FRY: variants seen among roughly 807,000 people sequenced by gnomAD.
FRY encodes protein furry homolog.
Under a neutral mutation model 348.4 loss-of-function variants are expected in FRY, and 128 were observed. The observed-to-expected ratio is 0.37, with a 90% CI of 0.32 to 0.43. FRY has a LOEUF of 0.43. FRY is among the 20% of genes least tolerant of loss of function. The pLI is 1.00. For missense variants in FRY, 2,736 were observed against 3,695.2 expected (o/e 0.74, Z 6.73); for synonymous variants, 1,370 against 1,374.7 (o/e 1.00, Z 0.08).
intron 11 of FRY, among the ~76,000 whole-genome samples, chr13:32,137,368 C>G (rs7334889): frequency 0.071 from 10,811 of 152,246 alleles, 1,021 homozygotes; most frequent in African/African-American, 0.21. Flanking sequence ...TCTATCCCCT[C>G]CAGTCTAGAA....
intron 14 of FRY, among the ~76,000 whole-genome samples, chr13:32,150,409 C>A (rs1435286402): frequency 6.6e-6 from 1 of 152,154 alleles, no homozygotes; most frequent in Non-Finnish European, 1.5e-5. Flanking sequence ...TGTCAGCCAA[C>A]AGAAGTATGC....
chr13:32,199,535 G>A (rs1043661694), intron 29 of FRY, among the ~76,000 whole-genome samples: 4 of 152,146 alleles, frequency 2.6e-5, no homozygotes, highest in African/African-American at 9.7e-5. Flanking sequence ...ATATCAAAAT[G>A]TTGACAGTAA....
rs752492247 is a variant in FRY at position 32,078,907 on chromosome 13, G to A, written c.144G>A (p.Pro48=). ...PASGTHREKG[P]PTMLPINVDP... The stretch of plus-strand genomic sequence containing the variant: ...CTGGCACGCACAGGGAGAAAGGGCC[G>A]CCAACCATGCTACCCATCAATGTGG... The change falls in exon 2 of 61, where the codon CCG becomes CCA. Residue 48 remains proline (P), a synonymous_variant. Transcript: ENST00000542859. 4.2e-5 allele frequency: 68 copies of A among 1,613,780 alleles called. No individual in the cohort carries two copies. Among genetic ancestry groups the A allele is most frequent in the Non-Finnish European group, 5.3e-5 (63 of 1,179,842 alleles).
At chr13:32,173,308 G>GT in intron 18 of FRY, 59 bp from the exon 19 acceptor site, 1 of 1,293,364 alleles carries the variant, frequency 7.7e-7, no homozygotes. Context: ...AAACATGAGT[G>GT]TATTCTTCTT....
In FRY at chr13:32,296,203, T is replaced by C. The variant is rs1463693920; in HGVS notation, c.*743T>C. The C allele has an allele frequency of 2.0e-5, 3 of 152,676 alleles. No homozygotes were observed. The highest frequency in any genetic ancestry group is 4.4e-5 in the Non-Finnish European group (3 of 68,060). The allele number at this position is 152,676 out of a possible 1,614,324, so 9.5% of individuals were successfully genotyped here. A position where few individuals can be genotyped will look rare whatever the true frequency, so the allele number is the denominator to read the frequency against. On this transcript the variant is annotated 3_prime_UTR_variant, in exon 61 of 61. Coordinates refer to ENST00000542859, the MANE Select transcript of FRY (RefSeq NM_023037.3). ...TCTTGGCTGCTTTTTACTAGAAGGT[T>C]GCTTTTATGAGCATATTTATACTGC...
At chr13:32,038,693 T>C (rs1427426664) in intron 1 of FRY, 2 of 152,232 alleles carry the variant, frequency 1.3e-5, no homozygotes, top group African/African-American at 4.8e-5. Context: ...TTGCATCTTC[T>C]AGGCTTGGAG....
intron 17 of FRY, among the ~76,000 whole-genome samples, chr13:32,169,409 A>G (rs1488258176): frequency 6.6e-6 from 1 of 152,192 alleles, no homozygotes; most frequent in Non-Finnish European, 1.5e-5. Flanking sequence ...AATATTGCAC[A>G]TGGATCATTC....
intron 55 of FRY, among the ~76,000 whole-genome samples, chr13:32,274,491 A>G (rs1888390682): frequency 6.7e-6 from 1 of 148,900 alleles, no homozygotes; most frequent in South Asian, 2.1e-4. Context: ...GCGGATCACA[A>G]GGTCAGATCG....
chr13:32,271,861 G>A (rs1045574387), intron 55 of FRY, among the ~76,000 whole-genome samples: 10 of 152,144 alleles, frequency 6.6e-5, no homozygotes, highest in African/African-American at 2.4e-4. Context: ...GTGGAAAGAG[G>A]GAGAAGAAAG....
intron 58 of FRY, chr13:32,287,996 ATTTAT>A (rs1889161012): frequency 3.3e-6 from 1 of 299,056 alleles, no homozygotes; most frequent in Non-Finnish European, 6.1e-6. Context: ...TCTCATTTTA[ATTTAT>A]TTTATTTGGT....
intron 2 of FRY, among the ~76,000 whole-genome samples, chr13:32,093,062 A>G (rs993944241): frequency 1.3e-5 from 2 of 152,232 alleles, no homozygotes; most frequent in Non-Finnish European, 2.9e-5. Context: ...GGTCATCTTC[A>G]ACAATTATCA....
At chr13:32,281,363 C>T (rs1451812304) in intron 58 of FRY, among the ~76,000 whole-genome samples, 1 of 152,166 alleles carries the variant, frequency 6.6e-6, no homozygotes, top group Non-Finnish European at 1.5e-5. Flanking sequence ...CTTTCTCTAG[C>T]TTAATTTTGG....
At chr13:32,050,715 A>G (rs1165438032) in intron 1 of FRY, among the ~76,000 whole-genome samples, 1 of 152,206 alleles carries the variant, frequency 6.6e-6, no homozygotes, top group Non-Finnish European at 1.5e-5. Context: ...TTATGGGCTG[A>G]CAGGGCATGA....
chr13:32,183,062 G>C, intron 24 of FRY, 28 bp downstream of exon 24: 15 of 1,473,174 alleles, frequency 1.0e-5, no homozygotes, highest in Non-Finnish European at 1.4e-5. Context: ...AAAAATTAAG[G>C]CTTGGTTTTT....
chr13:32,032,488 C>T (rs1872290833), intron 1 of FRY, among the ~76,000 whole-genome samples: 1 of 152,110 alleles, frequency 6.6e-6, no homozygotes, highest in Non-Finnish European at 1.5e-5. Flanking sequence ...CTGATGTTTG[C>T]TATAGTCCAA....
chr13:32,210,893 C>A lies in FRY; in HGVS notation c.4450C>A (p.Arg1484Ser). The A allele has an allele frequency of 6.2e-7, 1 of 1,613,822 alleles. No homozygotes were observed. The highest frequency in any genetic ancestry group is 8.5e-7 in the Non-Finnish European group (1 of 1,179,818). Residue 1484 changes from arginine to serine, a missense_variant, in exon 34 of 61, where the codon CGT becomes AGT. Transcript: ENST00000542859. ...YIKKVAIYLC[R>S]NNTIQTMEEL... ...TAAAAAAGTGGCAATATACTTGTGC[C>A]GTAACAACACCATTCAAACCATGGA... is the stretch of plus-strand genomic sequence containing the variant.
At position 32,186,328 on chromosome 13, in the gene FRY, T is replaced by C. The variant is rs1049148928; in HGVS notation, c.3388T>C (p.Trp1130Arg). The C allele has an allele frequency of 2.5e-6, 4 of 1,611,922 alleles. No individual in the cohort carries two copies. Among genetic ancestry groups the C allele is most frequent in the Non-Finnish European group, 3.4e-6 (4 of 1,177,980 alleles). ...RHHLFILFSQ[W>R]AGPFSIMFTP... ...CCACCTTTTCATCTTATTCAGCCAG[T>C]GGGCAGGACCCTTCAGCATTATGTT... is the stretch of plus-strand genomic sequence containing the variant. The change falls in exon 27 of 61, where the codon TGG (tryptophan) becomes CGG (arginine). Residue 1130 changes from tryptophan to arginine, a missense_variant. Coordinates refer to ENST00000542859, the MANE Select transcript of FRY (RefSeq NM_023037.3).
chr13:32,133,544 T>G (rs1049564709), intron 8 of FRY, among the ~76,000 whole-genome samples: 4 of 152,170 alleles, frequency 2.6e-5, no homozygotes, highest in African/African-American at 9.7e-5. Context: ...TTCTGGGAAC[T>G]ATAGAGCTCA....
intron 2 of FRY, among the ~76,000 whole-genome samples, chr13:32,084,093 T>C (rs547432215): frequency 1.4e-4 from 21 of 152,292 alleles, no homozygotes; most frequent in African/African-American, 4.6e-4. Flanking sequence ...GTGTGAGCTT[T>C]TGGGTTATCT....
Sources: allele counts gnomAD v4.1 joint callset (sites outside exome capture counted in the v4.1 genomes callset), GRCh38; gene constraint gnomAD v4.1.1; transcripts MANE v1.5; gene names NCBI Gene and HGNC (gene_info 2026-07-23, HGNC 2026-07-21).